The following PXDNL variants were observed in gnomAD, a reference collection of about 807,000 sequenced individuals.
The protein encoded by PXDNL is probable oxidoreductase PXDNL.
In PXDNL, 145 loss-of-function variants were observed where a neutral mutation model predicts 150.8. That is an observed-to-expected ratio of 0.96 (90% CI 0.84 to 1.10). PXDNL has a LOEUF of 1.10. Ranked by LOEUF, PXDNL falls within the 50% of genes least tolerant of loss-of-function variation. The pLI is 0.00. For missense variants in PXDNL, 2,087 were observed against 1,873.9 expected, an observed-to-expected ratio of 1.11 and a Z score of -2.10; for synonymous variants, 757 against 725.7, an observed-to-expected ratio of 1.04 and a Z score of -0.69.
intron 3 of PXDNL, among the ~76,000 whole-genome samples, chr8:51,560,180 A>G (rs1812691175): frequency 6.6e-6 from 1 of 152,030 alleles, no homozygotes; most frequent in Non-Finnish European, 1.5e-5. Flanking sequence ...GAATGAATTG[A>G]AAGATTTCCC....
At chr8:51,626,637 A>G (rs1422755800) in intron 2 of PXDNL, among the ~76,000 whole-genome samples, 2 of 152,220 alleles carry the variant, frequency 1.3e-5, no homozygotes. Context: ...TAGTTATGTC[A>G]GCAACCATTC....
At chr8:51,595,312 T>C (rs1003770890) in intron 2 of PXDNL, among the ~76,000 whole-genome samples, 3 of 152,118 alleles carry the variant, frequency 2.0e-5, no homozygotes, top group Non-Finnish European at 1.5e-5. Context: ...TAAAAACCAA[T>C]AAATGACTGC....
chr8:51,611,795 G>A (rs921264571), intron 2 of PXDNL, among the ~76,000 whole-genome samples: 2 of 151,832 alleles, frequency 1.3e-5, no homozygotes, highest in Non-Finnish European at 2.9e-5. Context: ...AAAGTAAGAG[G>A]AGCAAGGCCA....
chr8:51,530,075 TA>T (rs971997724), intron 4 of PXDNL, among the ~76,000 whole-genome samples: 2 of 152,146 alleles, frequency 1.3e-5, no homozygotes, highest in Admixed American at 1.3e-4. Flanking sequence ...AGGTTGAAGA[TA>T]AAGCAGATAG....
In PXDNL at chr8:51,788,862, G is replaced by A. The variant is rs558346244; in HGVS notation, c.164+20319C>T. ...GGTTCCCAAGGCTTTAGGACTCAGT[G>A]CCCTATGCTTCAGTTCCGCACTAAC... is the stretch of plus-strand genomic sequence containing the variant. On this transcript the variant is annotated intron_variant, in intron 1 of 22. Coordinates refer to ENST00000356297, the MANE Select transcript of PXDNL (RefSeq NM_144651.5). Among the ~76,000 whole-genome samples, 10 of 152,258 alleles carry A rather than the reference G, an allele frequency of 6.6e-5. No homozygotes were observed. The South Asian group carries it at 2.1e-3, about 32-fold the overall frequency.
chr8:51,386,123 T>A (rs1221868081), intron 17 of PXDNL, among the ~76,000 whole-genome samples: 1 of 151,998 alleles, frequency 6.6e-6, no homozygotes, highest in East Asian at 1.9e-4. Context: ...ATAAGACTCT[T>A]GCTCTGTCAC....
rs745976379 is a variant in PXDNL at position 51,654,691 on chromosome 8, T to A, written c.234A>T (p.Thr78=). ...ACAGATAAGCAATAAGTACTCACAG[T>A]GTGTTCAAATTCTTGAGTTTCTTGA... ...SAFKKLKNLN[T]LLLNNNHIRK... Residue 78 remains threonine (T), a splice_region_variant and synonymous_variant, in exon 2 of 23, where the codon ACA becomes ACT. Coordinates refer to ENST00000356297, the MANE Select transcript of PXDNL (RefSeq NM_144651.5). 6.2e-7 allele frequency: 1 copy of A among 1,610,904 alleles called. No individual in the cohort carries two copies. Among genetic ancestry groups the A allele is most frequent in the Non-Finnish European group, 8.5e-7 (1 of 1,177,598 alleles).
At chr8:51,446,007 A>G (rs1288630683) in intron 12 of PXDNL, among the ~76,000 whole-genome samples, 1 of 151,992 alleles carries the variant, frequency 6.6e-6, no homozygotes, top group Non-Finnish European at 1.5e-5. Context: ...AAAATTTAGT[A>G]TGTCTAAAAT....
intron 2 of PXDNL, among the ~76,000 whole-genome samples, chr8:51,602,489 G>C (rs7819583): frequency 1.3e-5 from 2 of 151,556 alleles, no homozygotes; most frequent in Non-Finnish European, 2.9e-5. Flanking sequence ...AGTGAATTTG[G>C]TAACTTTTTT....
At chr8:51,450,631 C>T (rs917796486) in intron 10 of PXDNL, among the ~76,000 whole-genome samples, 2 of 152,118 alleles carry the variant, frequency 1.3e-5, no homozygotes, top group Admixed American at 6.5e-5. Flanking sequence ...AGTCTTCATC[C>T]ATTCTAAGTA....
chr8:51,348,179 A>G (rs994110644), intron 19 of PXDNL, among the ~76,000 whole-genome samples: 4 of 152,324 alleles, frequency 2.6e-5, no homozygotes, highest in African/African-American at 9.6e-5. Flanking sequence ...TTCAATTCTC[A>G]TATAAAAAGG....
chr8:51,519,328 G>T (rs1811608737), intron 4 of PXDNL, among the ~76,000 whole-genome samples: 1 of 152,040 alleles, frequency 6.6e-6, no homozygotes, highest in Non-Finnish European at 1.5e-5. Flanking sequence ...ATCACCTAAG[G>T]TCAGAAGTTC....
chr8:51,591,002 T>C (rs867145053), intron 3 of PXDNL, among the ~76,000 whole-genome samples: 11 of 152,226 alleles, frequency 7.2e-5, no homozygotes, highest in Admixed American at 2.0e-4. Flanking sequence ...GTCACTGTGA[T>C]GGTATTAAGA....
chr8:51,632,073 C>A (rs1285681261), intron 2 of PXDNL, among the ~76,000 whole-genome samples: 6 of 151,926 alleles, frequency 3.9e-5, no homozygotes, highest in African/African-American at 1.5e-4. Flanking sequence ...ACTTTTAAAA[C>A]ATGATGCAAA....
chr8:51,437,261 A>T (rs1356854275), intron 12 of PXDNL, among the ~76,000 whole-genome samples: 3 of 152,216 alleles, frequency 2.0e-5, no homozygotes, highest in African/African-American at 7.2e-5. Context: ...TCAGACATTC[A>T]AAGAAGAATT....
intron 2 of PXDNL, among the ~76,000 whole-genome samples, chr8:51,600,545 A>C (rs1813685907): frequency 7.4e-6 from 1 of 134,318 alleles, no homozygotes; most frequent in Non-Finnish European, 1.5e-5. Context: ...ATAATAAATT[A>C]TATCTTATAT....
intron 2 of PXDNL, among the ~76,000 whole-genome samples, chr8:51,646,896 G>A (rs1814931498): frequency 6.6e-6 from 1 of 152,176 alleles, no homozygotes; most frequent in Non-Finnish European, 1.5e-5. Context: ...GGTGGTTGTA[G>A]AAAGGGGCCA....
intron 4 of PXDNL, among the ~76,000 whole-genome samples, chr8:51,504,228 T>C (rs1811241708): frequency 6.6e-6 from 1 of 152,158 alleles, no homozygotes; most frequent in Non-Finnish European, 1.5e-5. Flanking sequence ...ATCTATCTGG[T>C]CTACCCTCAA....
chr8:51,556,765 CATA>C (rs1467315874), intron 4 of PXDNL, 72 bp downstream of exon 4: 3 of 784,728 alleles, frequency 3.8e-6, no homozygotes, highest in Non-Finnish European at 6.7e-6. Context: ...TCAACTATCA[CATA>C]ATGGCATTTA....
Sources: gnomAD v4.1 joint callset for allele counts (sites outside exome capture counted in the v4.1 genomes callset) on GRCh38, gnomAD v4.1.1 for gene constraint, MANE v1.5 for transcripts, NCBI Gene and HGNC (gene_info 2026-07-23, HGNC 2026-07-21) for gene names.